The following FAM219B variants were observed in gnomAD, a reference collection of about 807,000 sequenced individuals.
The protein encoded by FAM219B is family with sequence similarity 219 member B.
FAM219B carries 18 observed loss-of-function variants against 19.9 expected under a neutral mutation model. That is an observed-to-expected ratio of 0.91 (90% CI 0.63 to 1.34). The LOEUF (loss-of-function observed/expected upper bound fraction) is 1.34, where lower values mean the gene tolerates loss of function less well. Among genes scored for constraint, FAM219B ranks in the 40% most tolerant of loss-of-function variants. FAM219B has a pLI of 0.00. For missense variants in FAM219B, 283 were observed against 270.5 expected, an observed-to-expected ratio of 1.05 and a Z score of -0.32; for synonymous variants, 123 against 117.5, an observed-to-expected ratio of 1.05 and a Z score of -0.30.
At chr15:74,904,883 C>T in intron 3 of FAM219B, 171 bp from the exon 4 acceptor site, 1 of 1,434,610 alleles carries the variant, frequency 7.0e-7, no homozygotes, top group Non-Finnish European at 9.5e-7. Flanking sequence ...TCAATTGGTT[C>T]TGGCAGGGAC....
At chr15:74,906,535 C>T (rs2065202769) in intron 1 of FAM219B, 52 bp downstream of exon 1, 1 of 1,461,794 alleles carries the variant, frequency 6.8e-7, no homozygotes. Flanking sequence ...GCCCTGGGGA[C>T]GCGGCCGCCC....
At chr15:74,905,783 T>C (rs920926294) in intron 2 of FAM219B, 4 of 166,138 alleles carry the variant, frequency 2.4e-5, no homozygotes, top group African/African-American at 9.6e-5. Flanking sequence ...AAAAGCACCC[T>C]CTCCCCACTT....
rs956896694 is a variant in FAM219B, at chr15:74,905,223, T to A, written c.311A>T (p.Lys104Met). The A allele has an allele frequency of 1.2e-5, 20 of 1,613,766 alleles. No homozygotes were observed. Among genetic ancestry groups the A allele is most frequent in the Admixed American group, 5.0e-5 (3 of 59,980 alleles). ...AAGAGCAGTATAGCCCTTGTTAAAC[T>A]TCACTGACCTGAGGGGAGACGGGGG... is the stretch of plus-strand genomic sequence containing the variant. ...RPDSSGKRSV[K>M]FNKGYTALSQ... is the part of the protein sequence containing the mutation. Residue 104 changes from lysine (K) to methionine (M), a missense_variant, in exon 3 of 5, where the codon AAG (lysine) becomes ATG (methionine). Physicochemically the swap from Lys to Met is moderately conservative, Grantham distance 95. Transcript: ENST00000357635.
chr15:74,902,242 A>G lies in FAM219B; in HGVS notation c.*377T>C, dbSNP rs1007882851. The stretch of plus-strand genomic sequence containing the variant: ...CTATTTTCTGCCTCCATTCAACACT[A>G]TCTAGCACAGCCTGGGCACAAGAGC... On this transcript the variant is annotated 3_prime_UTR_variant, in exon 5 of 5. Transcript: ENST00000357635. 13 of 399,478 alleles carry G rather than the reference A, an allele frequency of 3.3e-5. No individual in the cohort carries two copies. The highest frequency in any genetic ancestry group is 2.7e-4 in the African/African-American group (13 of 48,640). The allele number at this position is 399,478 out of a possible 1,614,324, so 24.7% of individuals were successfully genotyped here. A position where few individuals can be genotyped will look rare whatever the true frequency, so the allele number is the denominator to read the frequency against.
At chr15:74,903,600 C>CAAAAAAAAAAAAAAAA (rs60354993) in intron 4 of FAM219B, among the ~76,000 whole-genome samples, 14 of 46,112 alleles carry the variant, frequency 3.0e-4, no homozygotes, top group Non-Finnish European at 4.1e-4. Flanking sequence ...GACTCTGTCT[C>CAAAAAAAAAAAAAAAA]AAAAAAAAAA....
At chr15:74,904,619 G>T in intron 4 of FAM219B, 45 bp downstream of exon 4, 2 of 1,609,776 alleles carry the variant, frequency 1.2e-6, no homozygotes, top group Non-Finnish European at 1.7e-6. Flanking sequence ...TGGTGGTAAT[G>T]CTGCCTGCAG....
chr15:74,903,691 C>CA (rs2065068701), intron 4 of FAM219B, among the ~76,000 whole-genome samples: 1 of 151,254 alleles, frequency 6.6e-6, no homozygotes, highest in Non-Finnish European at 1.5e-5. Flanking sequence ...CTTTGACACT[C>CA]AGACATTTAA....
intron 4 of FAM219B, among the ~76,000 whole-genome samples, chr15:74,904,347 TG>T (rs1316826728): frequency 6.6e-6 from 1 of 152,178 alleles, no homozygotes; most frequent in Non-Finnish European, 1.5e-5. Context: ...AGGCTGGTCT[TG>T]GAACTCCTGG....
intron 3 of FAM219B, 117 bp downstream of exon 3, chr15:74,905,037 G>A (rs746295129): frequency 6.4e-6 from 10 of 1,572,576 alleles, no homozygotes; most frequent in Admixed American, 3.8e-5. Flanking sequence ...GAAGAGAACG[G>A]CCCTGGAATG....
intron 2 of FAM219B, 101 bp downstream of exon 2, chr15:74,906,177 A>T (rs990559832): frequency 8.3e-7 from 1 of 1,199,062 alleles, no homozygotes; most frequent in Non-Finnish European, 1.2e-6. Context: ...GCATCAGGGG[A>T]ATCGCTAGCT....
intron 4 of FAM219B, among the ~76,000 whole-genome samples, chr15:74,903,466 C>T (rs1460171058): frequency 2.6e-5 from 4 of 151,762 alleles, no homozygotes; most frequent in African/African-American, 7.2e-5. Context: ...CCAGGCGTGA[C>T]GGCGGGCGCC....
chr15:74,904,804 G>T, intron 3 of FAM219B, 92 bp from the exon 4 acceptor site: 1 of 1,547,734 alleles, frequency 6.5e-7, no homozygotes, highest in South Asian at 1.1e-5. Flanking sequence ...GCATCTGGAA[G>T]ACTTTTGAAG....
chr15:74,905,595 T>C (rs2065154725), intron 2 of FAM219B: 2 of 239,254 alleles, frequency 8.4e-6, no homozygotes, highest in South Asian at 5.0e-5. Flanking sequence ...GTATTTTTAA[T>C]AGAGACGGGC....
Position 74,906,840 on chromosome 15 carries a change from T to C in FAM219B, c.-40A>G. 1.6e-6 allele frequency: 2 copies of C among 1,238,996 alleles called. No homozygotes were observed. The allele number at this position is 1,238,996 out of a possible 1,614,324, so 76.8% of individuals were successfully genotyped here. On this transcript the variant is annotated 5_prime_UTR_variant, in exon 1 of 5. Coordinates refer to ENST00000357635, the MANE Select transcript of FAM219B (RefSeq NM_020447.5). Reference sequence around the variant, plus strand: ...CTGCCGGATGGTGCAACCCCGCCCGTGGCGAAAGAGTGACCGGCCGAGGGA... The same window carrying C: ...CTGCCGGATGGTGCAACCCCGCCCGCGGCGAAAGAGTGACCGGCCGAGGGA...
chr15:74,902,613 T>G lies in FAM219B; in HGVS notation c.*6A>C. 1 of 1,596,540 alleles carries G rather than the reference T, an allele frequency of 6.3e-7. No homozygotes were observed. Among genetic ancestry groups the G allele is most frequent in the Non-Finnish European group, 8.5e-7 (1 of 1,170,662 alleles). ...GGTGAGCAGGGCCCACCTTGGAGGGTAATGTCTACTGGAGGGTACAGGAAG... is the reference window on the plus strand; with the variant it reads ...GGTGAGCAGGGCCCACCTTGGAGGGGAATGTCTACTGGAGGGTACAGGAAG... On this transcript the variant is annotated 3_prime_UTR_variant, in exon 5 of 5. Transcript: ENST00000357635.
rs1221703708 is a variant in FAM219B at position 74,900,368 on chromosome 15, A to ATG, written c.*2250_*2251insCA. 6.6e-6 allele frequency: 1 copy of ATG among 152,220 alleles called. No homozygotes were observed. The highest frequency in any genetic ancestry group is 1.5e-5 in the Non-Finnish European group (1 of 68,084). 9.4% of individuals were successfully genotyped at this position (152,220 alleles called of 1,614,324 possible). A position where few individuals can be genotyped will look rare whatever the true frequency, so the allele number is the denominator to read the frequency against. On this transcript the variant is annotated 3_prime_UTR_variant, in exon 5 of 5. Transcript: ENST00000357635. ...GTTGCAGCTGAATATGCCAGAGCTG[A>ATG]TTATTACAACAACGATGCAGAGGGC... is the stretch of plus-strand genomic sequence containing the variant.
At chr15:74,899,782 C>G (rs1311319382), downstream of FAM219B, 2 of 152,228 alleles carry the variant, frequency 1.3e-5, no homozygotes, top group African/African-American at 4.8e-5. Flanking sequence ...GCCACCACAC[C>G]CAGCTAAGTT....
chr15:74,904,765 G>GT, intron 3 of FAM219B, 53 bp from the exon 4 acceptor site: 1 of 1,607,302 alleles, frequency 6.2e-7, no homozygotes, highest in South Asian at 1.1e-5. Flanking sequence ...GTGCACAGCT[G>GT]TAAATCATCA....
At chr15:74,905,600 A>G (rs1203769478) in intron 2 of FAM219B, 4 of 231,882 alleles carry the variant, frequency 1.7e-5, no homozygotes, top group Non-Finnish European at 3.6e-5. Flanking sequence ...TTTAATAGAG[A>G]CGGGCTTTCA....
Sources: gnomAD v4.1 joint callset for allele counts (sites outside exome capture counted in the v4.1 genomes callset) on GRCh38, gnomAD v4.1.1 for gene constraint, MANE v1.5 for transcripts, NCBI Gene and HGNC (gene_info 2026-07-23, HGNC 2026-07-21) for gene names.